The following ENPEP variants were observed in gnomAD, a reference collection of about 807,000 sequenced individuals.
ENPEP encodes the protein glutamyl aminopeptidase, also known as AP-A.
ENPEP carries 103 observed loss-of-function variants against 114.5 expected under a neutral mutation model. The observed-to-expected ratio is 0.90, with a 90% confidence interval of 0.77 to 1.06. ENPEP has a LOEUF of 1.06. Among genes scored for constraint, ENPEP ranks in the 50% least tolerant of loss-of-function variants. The probability of loss-of-function intolerance (pLI) is 0.00; values close to 1 mark genes in which losing one functional copy is unlikely to be tolerated. For missense variants in ENPEP, 1,196 were observed against 1,161.3 expected (o/e 1.03, Z -0.43); for synonymous variants, 420 against 422.0 (o/e 1.00, Z 0.06).
At chr4:110,548,070 G>A (rs1727134030) in intron 13 of ENPEP, 106 bp from the exon 14 acceptor site, 3 of 1,207,992 alleles carry the variant, frequency 2.5e-6, no homozygotes, top group Non-Finnish European at 3.3e-6. Flanking sequence ...TCATTAACAT[G>A]GAATGCTTTG....
At chr4:110,485,489 A>G (rs183050748) in intron 1 of ENPEP, among the ~76,000 whole-genome samples, 82 of 152,272 alleles carry the variant, frequency 5.4e-4, no homozygotes, top group South Asian at 1.5e-3. Context: ...GCACGGGGGC[A>G]TTCTCTAAAA....
intron 10 of ENPEP, among the ~76,000 whole-genome samples, chr4:110,524,277 A>G (rs1448251910): frequency 6.6e-6 from 1 of 152,124 alleles, no homozygotes; most frequent in Non-Finnish European, 1.5e-5. Context: ...GCCTGTGGGA[A>G]GGGTGAGTAA....
At chr4:110,539,513 G>A (rs1208379862) in intron 11 of ENPEP, among the ~76,000 whole-genome samples, 1 of 152,044 alleles carries the variant, frequency 6.6e-6, no homozygotes, top group African/African-American at 2.4e-5. Context: ...TATTTTGCAT[G>A]TCATTAGTTA....
At chr4:110,545,215 T>C (rs548542520) in intron 13 of ENPEP, among the ~76,000 whole-genome samples, 15 of 152,242 alleles carry the variant, frequency 9.9e-5, no homozygotes, top group East Asian at 9.7e-4. Flanking sequence ...GTAACCATTA[T>C]ATTTAATAAT....
At chr4:110,537,755 A>C (rs1726693607) in intron 11 of ENPEP, among the ~76,000 whole-genome samples, 1 of 152,246 alleles carries the variant, frequency 6.6e-6, no homozygotes, top group Non-Finnish European at 1.5e-5. Flanking sequence ...ATCACCTTAC[A>C]AAATGTATTT....
chr4:110,520,419 G>T, intron 10 of ENPEP, 53 bp downstream of exon 10: 1 of 1,573,924 alleles, frequency 6.4e-7, no homozygotes, highest in South Asian at 1.1e-5. Context: ...AGAAATATTG[G>T]TAATTTGTTT....
intron 18 of ENPEP, among the ~76,000 whole-genome samples, chr4:110,556,384 C>CT (rs1265708112): frequency 1.3e-5 from 2 of 151,860 alleles, no homozygotes; most frequent in Admixed American, 6.6e-5. Flanking sequence ...TTATAACTTG[C>CT]TTTTTTTCCT....
chr4:110,558,906 T>A (rs1158294556), intron 18 of ENPEP, among the ~76,000 whole-genome samples: 1 of 152,222 alleles, frequency 6.6e-6, no homozygotes, highest in Non-Finnish European at 1.5e-5. Flanking sequence ...AACCCCCACA[T>A]GCCAGCAACT....
At chr4:110,553,601 C>A in intron 18 of ENPEP, 146 bp downstream of exon 18, 1 of 728,354 alleles carries the variant, frequency 1.4e-6, no homozygotes, top group Non-Finnish European at 2.0e-6. Context: ...TATTATCCTT[C>A]CAGGGAAGCA....
intron 8 of ENPEP, 30 bp downstream of exon 8, chr4:110,515,472 A>C: frequency 6.7e-7 from 1 of 1,503,348 alleles, no homozygotes; most frequent in Non-Finnish European, 9.1e-7. Context: ...GTGATATCAA[A>C]ATTAAACTAC....
chr4:110,522,366 A>G (rs138520633), intron 10 of ENPEP, among the ~76,000 whole-genome samples: 1 of 152,176 alleles, frequency 6.6e-6, no homozygotes, highest in African/African-American at 2.4e-5. Flanking sequence ...ATTTTTTAGT[A>G]GAGATGGGGT....
intron 13 of ENPEP, among the ~76,000 whole-genome samples, chr4:110,544,150 G>A (rs1354530928): frequency 6.6e-6 from 1 of 151,982 alleles, no homozygotes; most frequent in Non-Finnish European, 1.5e-5. Context: ...ACAGGCTCTT[G>A]AACCCCATTA....
Position 110,565,166 on chromosome 4 carries a change from A to G in ENPEP, c.*3608A>G, listed in dbSNP as rs576592401. 3 of 152,354 alleles carry G rather than the reference A, an allele frequency of 2.0e-5. No homozygotes were observed. The highest frequency in any genetic ancestry group is 4.4e-5 in the Non-Finnish European group (3 of 68,030). 9.4% of individuals were successfully genotyped at this position (152,354 alleles called of 1,614,324 possible). On this transcript the variant is annotated 3_prime_UTR_variant, in exon 20 of 20. Transcript: ENST00000265162. ...TTTTTGTAAGGCCTGAAAGCTAAACATAGTTTTACATTTTTAGATGGTTGA... is the reference window on the plus strand; with the variant it reads ...TTTTTGTAAGGCCTGAAAGCTAAACGTAGTTTTACATTTTTAGATGGTTGA...
Position 110,509,756 on chromosome 4 carries a change from A to G in ENPEP, c.1143A>G (p.Ser381=), listed in dbSNP as rs1168379170. Residue 381 remains serine (S), a synonymous_variant, in exon 5 of 20, where the codon TCA becomes TCG. Coordinates refer to ENST00000265162, the MANE Select transcript of ENPEP (RefSeq NM_001977.4). ...TTTATGACCCTAAGGAATCAGCCTCATCAAACCAACAGAGGGTGGCCACTG... is the reference window on the plus strand; with the variant it reads ...TTTATGACCCTAAGGAATCAGCCTCGTCAAACCAACAGAGGGTGGCCACTG... ...NLLYDPKESA[S]SNQQRVATVV... is the part of the protein sequence containing the mutation. The G allele has an allele frequency of 2.5e-6, 4 of 1,614,238 alleles. No individual in the cohort carries two copies. Among genetic ancestry groups the G allele is most frequent in the Non-Finnish European group, 2.5e-6 (3 of 1,180,026 alleles).
In ENPEP at chr4:110,540,311, C is replaced by T. The variant is rs971722522; in HGVS notation, c.1808-2440C>T. Among the ~76,000 whole-genome samples, 3 of 152,028 alleles carry T rather than the reference C, an allele frequency of 2.0e-5. No homozygotes were observed. In the East Asian group the frequency reaches 5.8e-4, roughly 29 times the overall value. On this transcript the variant is annotated intron_variant, in intron 11 of 19. Transcript: ENST00000265162. Reference sequence around the variant, plus strand: ...ATAGAAGATACACACACACACACAACAGGTAAAAAACATGTTAACTGTGGT... The same window carrying T: ...ATAGAAGATACACACACACACACAATAGGTAAAAAACATGTTAACTGTGGT...
intron 11 of ENPEP, among the ~76,000 whole-genome samples, chr4:110,541,395 C>G (rs557598905): frequency 6.6e-6 from 1 of 152,280 alleles, no homozygotes; most frequent in African/African-American, 2.4e-5. Flanking sequence ...TTCCCCTCCT[C>G]TGACTGTCCA....
rs1724449433 is a variant in ENPEP at position 110,484,921 on chromosome 4, G to GCACT, written c.645-3617_645-3616insTCAC. On this transcript the variant is annotated intron_variant, in intron 1 of 19. Transcript: ENST00000265162. ...ACGAAGATGTGTGTGGTGCGCGCAT[G>GCACT]CACGCACGCACACTCACACACACTC... Among the ~76,000 whole-genome samples, 5 of 63,732 alleles carry GCACT rather than the reference G, an allele frequency of 7.8e-5. No homozygotes were observed. The South Asian group carries it at 2.5e-3, about 32-fold the overall frequency. 41.8% of individuals were successfully genotyped at this position (63,732 alleles called of 152,430 possible).
At chr4:110,496,405 G>A (rs1724939115) in intron 3 of ENPEP, among the ~76,000 whole-genome samples, 1 of 152,132 alleles carries the variant, frequency 6.6e-6, no homozygotes, top group South Asian at 2.1e-4. Context: ...AAAGACACAA[G>A]AGTCTCCATG....
At chr4:110,557,223 G>T (rs996313946) in intron 18 of ENPEP, among the ~76,000 whole-genome samples, 32 of 152,310 alleles carry the variant, frequency 2.1e-4, no homozygotes, top group African/African-American at 7.7e-4. Context: ...GTCATAGAGG[G>T]TGAATAAATT....
Sources: gnomAD v4.1 joint callset for allele counts (sites outside exome capture counted in the v4.1 genomes callset) on GRCh38, gnomAD v4.1.1 for gene constraint, MANE v1.5 for transcripts, NCBI Gene and HGNC (gene_info 2026-07-23, HGNC 2026-07-21) for gene names.